Variants in SETBP1 observed in about 807,000 individuals in gnomAD.
The protein encoded by SETBP1 is SET-binding protein.
A neutral mutation model predicts 101.0 loss-of-function variants in SETBP1; 9 were observed. That is an observed-to-expected ratio of 0.09 (90% confidence interval 0.05 to 0.16). SETBP1 has a LOEUF of 0.16. Among genes scored for constraint, SETBP1 ranks in the 10% least tolerant of loss-of-function variants. The probability of loss-of-function intolerance (pLI) is 1.00; values close to 1 mark genes in which losing one functional copy is unlikely to be tolerated. For missense variants in SETBP1, 1,858 were observed against 2,033.8 expected, an observed-to-expected ratio of 0.91 and a Z score of 1.66; for synonymous variants, 818 against 788.5, an observed-to-expected ratio of 1.04 and a Z score of -0.63.
At chr18:44,918,350 G>A (rs183535221) in intron 3 of SETBP1, among the ~76,000 whole-genome samples, 1 of 152,328 alleles carries the variant, frequency 6.6e-6, no homozygotes, top group East Asian at 1.9e-4. Flanking sequence ...GTGACCTGGA[G>A]CGTAGGTTTC....
intron 4 of SETBP1, among the ~76,000 whole-genome samples, chr18:44,989,770 G>A (rs1237411109): frequency 4.0e-5 from 6 of 148,470 alleles, no homozygotes; most frequent in South Asian, 2.1e-4. Flanking sequence ...TTGGGAGGCT[G>A]AGGCAGGAGA....
chr18:44,698,959 A>G (rs1213226743), intron 1 of SETBP1, among the ~76,000 whole-genome samples: 1 of 152,102 alleles, frequency 6.6e-6, no homozygotes, highest in Non-Finnish European at 1.5e-5. Context: ...TTTCACTCTG[A>G]AGTGAATCTT....
intron 4 of SETBP1, among the ~76,000 whole-genome samples, chr18:45,011,984 A>G (rs1435063435): frequency 6.6e-6 from 1 of 152,216 alleles, no homozygotes; most frequent in Non-Finnish European, 1.5e-5. Flanking sequence ...CTAGTAAAAT[A>G]AAGATCTTAC....
intron 2 of SETBP1, among the ~76,000 whole-genome samples, chr18:44,823,177 T>C (rs900857729): frequency 6.6e-5 from 10 of 152,206 alleles, no homozygotes; most frequent in African/African-American, 2.4e-4. Context: ...TCTTCATGTC[T>C]TATTAATTAA....
intron 5 of SETBP1, among the ~76,000 whole-genome samples, chr18:45,045,505 C>T (rs1375126062): frequency 6.6e-6 from 1 of 151,194 alleles, no homozygotes; most frequent in Non-Finnish European, 1.5e-5. Flanking sequence ...GGCACATTTT[C>T]CTGGACTGTT....
rs140056963 is a variant in SETBP1 at position 45,062,942 on chromosome 18, T to C, written c.4172-137T>C. ...ATAAAGAAAAAGGAATAATGCATCT[T>C]GGGCACGGAGACATACCCATAGCAT... On this transcript the variant is annotated intron_variant, in intron 5 of 5. Coordinates refer to ENST00000649279, the MANE Select transcript of SETBP1 (RefSeq NM_015559.3). 2.0e-4 allele frequency: 216 copies of C among 1,091,286 alleles called. No individual in the cohort carries two copies. The African/African-American group carries it at 3.0e-3, about 15-fold the overall frequency. The allele number at this position is 1,091,286 out of a possible 1,614,324, so 67.6% of individuals were successfully genotyped here. A position where few individuals can be genotyped will look rare whatever the true frequency, so the allele number is the denominator to read the frequency against.
chr18:44,974,314 C>T (rs1391520120), intron 4 of SETBP1, among the ~76,000 whole-genome samples: 1 of 152,154 alleles, frequency 6.6e-6, no homozygotes, highest in East Asian at 1.9e-4. Flanking sequence ...AGGAAGACCA[C>T]CTGGGAAGCA....
chr18:44,708,763 G>GA (rs869097152), intron 2 of SETBP1, among the ~76,000 whole-genome samples: 4 of 123,624 alleles, frequency 3.2e-5, no homozygotes, highest in African/African-American at 9.4e-5. Flanking sequence ...GAAAAGAAAA[G>GA]AAAAAGATGA....
chr18:44,918,909 A>C (rs1335431577), intron 3 of SETBP1, among the ~76,000 whole-genome samples: 1 of 152,192 alleles, frequency 6.6e-6, no homozygotes, highest in Non-Finnish European at 1.5e-5. Context: ...CACTTTGCAG[A>C]GATATGTCAA....
intron 5 of SETBP1, among the ~76,000 whole-genome samples, chr18:45,052,759 C>A (rs540614555): frequency 4.9e-4 from 75 of 152,206 alleles, no homozygotes; most frequent in African/African-American, 1.8e-3. Flanking sequence ...AAATTGACAT[C>A]TTTTTCTTTA....
intron 1 of SETBP1, among the ~76,000 whole-genome samples, chr18:44,683,299 T>C (rs1270923677): frequency 1.3e-5 from 2 of 152,212 alleles, no homozygotes; most frequent in African/African-American, 4.8e-5. Flanking sequence ...CTTCTGGTCA[T>C]GGACTTGCCT....
At chr18:44,932,113 G>T (rs1383633786) in intron 3 of SETBP1, among the ~76,000 whole-genome samples, 2 of 152,176 alleles carry the variant, frequency 1.3e-5, no homozygotes, top group African/African-American at 2.4e-5. Flanking sequence ...CTTCCTTCAG[G>T]AGCTCCTGTA....
chr18:44,874,905 T>A (rs185566809), intron 3 of SETBP1, among the ~76,000 whole-genome samples: 8 of 152,238 alleles, frequency 5.3e-5, no homozygotes, highest in African/African-American at 1.9e-4. Flanking sequence ...AGTTTCTGCA[T>A]AGAGAGAAAT....
chr18:44,970,045 A>T (rs181634102), intron 4 of SETBP1: 1 of 154,838 alleles, frequency 6.5e-6, no homozygotes, highest in Non-Finnish European at 1.5e-5. Context: ...TGATAGTGAC[A>T]TATTTTTCAA....
intron 4 of SETBP1, 90 bp downstream of exon 4, chr18:44,953,430 C>T: frequency 8.4e-7 from 1 of 1,195,848 alleles, no homozygotes; most frequent in Non-Finnish European, 1.2e-6. Context: ...ATTGTGTTCA[C>T]TAGTTTGCAA....
intron 3 of SETBP1, chr18:44,876,488 A>C: frequency 2.0e-6 from 2 of 1,005,470 alleles, no homozygotes; most frequent in African/African-American, 3.2e-5. Context: ...GTGTGGATTG[A>C]ATTGGTCTGG....
chr18:44,900,556 C>A (rs116047215), intron 3 of SETBP1, among the ~76,000 whole-genome samples: 32 of 152,300 alleles, frequency 2.1e-4, no homozygotes, highest in African/African-American at 7.5e-4. Context: ...AAGGATGATA[C>A]ATAGCTAGTA....
chr18:44,720,552 C>T (rs942816208), intron 2 of SETBP1, among the ~76,000 whole-genome samples: 3 of 152,164 alleles, frequency 2.0e-5, no homozygotes, highest in Non-Finnish European at 2.9e-5. Flanking sequence ...TTTAGACTGA[C>T]TTGTCTGGCT....
At chr18:44,934,009 C>T (rs76146031) in intron 3 of SETBP1, among the ~76,000 whole-genome samples, 18,506 of 152,164 alleles carry the variant, frequency 0.12, 1,364 homozygotes, top group East Asian at 0.31. Flanking sequence ...CCGTCTTCTG[C>T]GTCACTCATG....
Sources: allele counts gnomAD v4.1 joint callset (sites outside exome capture counted in the v4.1 genomes callset), GRCh38; gene constraint gnomAD v4.1.1; transcripts MANE v1.5; gene names NCBI Gene and HGNC (gene_info 2026-07-23, HGNC 2026-07-21).